CDH19: variants seen among roughly 807,000 people sequenced by gnomAD.
CDH19 encodes cadherin 19, also known as cadherin-19.
CDH19 carries 67 observed loss-of-function variants against 64.2 expected under a neutral mutation model. That is an observed-to-expected ratio of 1.04 (90% confidence interval 0.86 to 1.28). The LOEUF is 1.28. CDH19 is among the 50% of genes most tolerant of loss of function. The pLI, the probability that CDH19 is intolerant of heterozygous loss-of-function variation, is 0.00. For missense variants in CDH19, 1,030 were observed against 929.0 expected (o/e 1.11, Z -1.41); for synonymous variants, 346 against 319.3 (o/e 1.08, Z -0.89).
At chr18:66,557,652 T>C (rs1298375161) in intron 3 of CDH19, among the ~76,000 whole-genome samples, 1 of 152,016 alleles carries the variant, frequency 6.6e-6, no homozygotes, top group African/African-American at 2.4e-5. Context: ...AATTCAACAA[T>C]GTTTTAGAAA....
chr18:66,588,614 C>A (rs533388737), intron 1 of CDH19, among the ~76,000 whole-genome samples: 15,899 of 102,046 alleles, frequency 0.16, 2,801 homozygotes, highest in Non-Finnish European at 0.27. Context: ...TCATATATAT[C>A]TATATCTATA....
chr18:66,534,517 A>C (rs1021770715), intron 8 of CDH19, among the ~76,000 whole-genome samples: 1 of 152,062 alleles, frequency 6.6e-6, no homozygotes. Context: ...TTAATACTTT[A>C]CAATTCTAAA....
At chr18:66,523,016 A>G (rs956578429) in intron 9 of CDH19, among the ~76,000 whole-genome samples, 1 of 152,128 alleles carries the variant, frequency 6.6e-6, no homozygotes, top group African/African-American at 2.4e-5. Flanking sequence ...AAATCACAAA[A>G]AAATGAGATG....
In CDH19 at chr18:66,535,022, C is replaced by A. The variant is rs202195701; in HGVS notation, c.1300G>T (p.Ala434Ser). The A allele has an allele frequency of 1.2e-4, 186 of 1,517,050 alleles. 3 individuals carry two copies. In the South Asian group the frequency reaches 2.3e-3, roughly 19 times the overall value. The allele number at this position is 1,517,050 out of a possible 1,614,324, so 94.0% of individuals were successfully genotyped here. Residue 434 changes from alanine to serine, a missense_variant, in exon 8 of 12, where the codon GCT becomes TCT. Ala to Ser is a moderately conservative substitution (Grantham distance 99). Coordinates refer to ENST00000262150, the MANE Select transcript of CDH19 (RefSeq NM_021153.4). Reference sequence around the variant, plus strand: ...GCTGTAATACTTAGGTTGTACCAAGCACTGATTTCACGATCCAGTGAGTTA... The same window carrying A: ...GCTGTAATACTTAGGTTGTACCAAGAACTGATTTCACGATCCAGTGAGTTA... ...TSNSLDREIS[A>S]WYNLSITATE...
intron 1 of CDH19, among the ~76,000 whole-genome samples, chr18:66,600,379 G>C: frequency 6.6e-6 from 1 of 151,686 alleles, no homozygotes; most frequent in Admixed American, 6.6e-5. Flanking sequence ...GTCTTGCTGA[G>C]ATTTTTAATA....
chr18:66,570,696 A>C (rs1988073487), intron 2 of CDH19, among the ~76,000 whole-genome samples: 1 of 151,686 alleles, frequency 6.6e-6, no homozygotes, highest in Admixed American at 6.6e-5. Flanking sequence ...AACATTTTTC[A>C]GAGTAGTTTC....
intron 1 of CDH19, among the ~76,000 whole-genome samples, chr18:66,603,445 C>T (rs1416492179): frequency 6.6e-6 from 1 of 151,208 alleles, no homozygotes; most frequent in Non-Finnish European, 1.5e-5. Flanking sequence ...CATAGCAATG[C>T]TAATATTTTA....
chr18:66,601,553 G>A (rs1989037602), intron 1 of CDH19, among the ~76,000 whole-genome samples: 1 of 151,942 alleles, frequency 6.6e-6, no homozygotes, highest in Non-Finnish European at 1.5e-5. Context: ...GCCAAGGCAG[G>A]ATTTTTAAAA....
At chr18:66,529,630 T>C (rs941080468) in intron 9 of CDH19, among the ~76,000 whole-genome samples, 2 of 148,044 alleles carry the variant, frequency 1.4e-5, no homozygotes, top group Non-Finnish European at 3.0e-5. Flanking sequence ...TAACAAAAAT[T>C]ATTACATATT....
At chr18:66,533,173 A>G (rs1986522051) in intron 8 of CDH19, among the ~76,000 whole-genome samples, 2 of 151,526 alleles carry the variant, frequency 1.3e-5, no homozygotes, top group Non-Finnish European at 2.9e-5. Context: ...TAGAAATTGT[A>G]ATTTTCAATT....
At chr18:66,555,589 T>C (rs1987487935) in intron 3 of CDH19, among the ~76,000 whole-genome samples, 1 of 151,816 alleles carries the variant, frequency 6.6e-6, no homozygotes, top group African/African-American at 2.4e-5. Context: ...CATAATTTTA[T>C]GGGTAATACT....
intron 1 of CDH19, among the ~76,000 whole-genome samples, chr18:66,575,062 A>C (rs1988226270): frequency 6.6e-6 from 1 of 151,964 alleles, no homozygotes; most frequent in East Asian, 1.9e-4. Context: ...TTAGTGCAAT[A>C]GTATAAGCAA....
At chr18:66,521,502 C>CGTTA (rs2144383318) in intron 9 of CDH19, among the ~76,000 whole-genome samples, 1 of 143,872 alleles carries the variant, frequency 7.0e-6, no homozygotes, top group African/African-American at 2.6e-5. Flanking sequence ...TATCTCTGGC[C>CGTTA]TTTATTTATT....
intron 2 of CDH19, among the ~76,000 whole-genome samples, chr18:66,569,214 T>C (rs1023972457): frequency 4.6e-5 from 7 of 151,734 alleles, no homozygotes; most frequent in African/African-American, 1.7e-4. Flanking sequence ...GTTCATTAGG[T>C]ATTTATTACA....
intron 1 of CDH19, among the ~76,000 whole-genome samples, chr18:66,596,755 C>T (rs1988899027): frequency 6.6e-6 from 1 of 151,998 alleles, no homozygotes; most frequent in African/African-American, 2.4e-5. Flanking sequence ...CTATTTTTAT[C>T]AAACTACCAA....
At chr18:66,533,736 A>AG (rs1197184983) in intron 8 of CDH19, among the ~76,000 whole-genome samples, 2 of 152,040 alleles carry the variant, frequency 1.3e-5, no homozygotes, top group Non-Finnish European at 2.9e-5. Context: ...TGGAAAAAAA[A>AG]AATTTTTAAA....
In CDH19 at chr18:66,518,291, C is replaced by T. The variant is rs574211412; in HGVS notation, c.1459-6606G>A. On this transcript the variant is annotated intron_variant, in intron 9 of 11. Coordinates refer to ENST00000262150, the MANE Select transcript of CDH19 (RefSeq NM_021153.4). ...TCTTGTCACTCAGGCTTGAGTGCAA[C>T]GGTGCGATCTCGGCTCACTACAACC... Among the ~76,000 whole-genome samples the T allele has an allele frequency of 5.9e-5, 9 of 151,906 alleles. No individual in the cohort carries two copies. The South Asian group carries it at 1.2e-3, about 21-fold the overall frequency.
chr18:66,585,178 A>C (rs559846208), intron 1 of CDH19, among the ~76,000 whole-genome samples: 1 of 152,156 alleles, frequency 6.6e-6, no homozygotes, highest in African/African-American at 2.4e-5. Flanking sequence ...ATACAATATA[A>C]TTTCTTTAAT....
rs148163686 is a variant in CDH19, at chr18:66,523,640, C to G, written c.1458+6205G>C. Among the ~76,000 whole-genome samples, 607 of 151,704 alleles carry G rather than the reference C, an allele frequency of 4.0e-3. 5 individuals are homozygous for G. The East Asian group carries it at 0.044, about 11-fold the overall frequency. On this transcript the variant is annotated intron_variant, in intron 9 of 11. Coordinates refer to ENST00000262150, the MANE Select transcript of CDH19 (RefSeq NM_021153.4). ...GGTGGGGGGGGAGTGGGTCTCAAGG[C>G]GGTTGTCATGAGCCCAGGCGGCAGT...
Sources: allele counts gnomAD v4.1 joint callset (sites outside exome capture counted in the v4.1 genomes callset), GRCh38; gene constraint gnomAD v4.1.1; transcripts MANE v1.5; gene names NCBI Gene and HGNC (gene_info 2026-07-23, HGNC 2026-07-21).